The following LAMA5 variants were observed in gnomAD, a reference collection of about 807,000 sequenced individuals.
LAMA5 encodes the protein laminin subunit alpha-5.
A neutral mutation model predicts 433.4 loss-of-function variants in LAMA5; 260 were observed. The observed-to-expected ratio is 0.60, with a 90% confidence interval of 0.54 to 0.66. The LOEUF (loss-of-function observed/expected upper bound fraction) is 0.66, where lower values mean the gene tolerates loss of function less well. Ranked by LOEUF, LAMA5 falls within the 30% of genes least tolerant of loss-of-function variation. LAMA5 has a pLI of 0.00. For synonymous variants in LAMA5, 2,620 were observed against 2,226.6 expected, an observed-to-expected ratio of 1.18 and a Z score of -4.97; for missense variants, 5,378 against 5,258.5, an observed-to-expected ratio of 1.02 and a Z score of -0.70.
chr20:62,326,717 G>C lies in LAMA5; in HGVS notation c.5258C>G (p.Thr1753Arg). ...SITFLEPAYP[T>R]PGHVHRGQLQ... ...CTGCCCACGGTGAACGTGGCCAGGC[G>C]TGGGGTATGCCGGCTCCAGGAATGT... is the stretch of plus-strand genomic sequence containing the variant. Residue 1753 changes from threonine to arginine, a missense_variant, in exon 40 of 80, where the codon ACG becomes AGG. By Grantham distance (71) the Thr-to-Arg change is moderately conservative. Coordinates refer to ENST00000252999, the MANE Select transcript of LAMA5 (RefSeq NM_005560.6). 4 of 1,612,942 alleles carry C rather than the reference G, an allele frequency of 2.5e-6. No homozygotes were observed. In the South Asian group the frequency reaches 4.4e-5, roughly 18 times the overall value.
chr20:62,329,140 GA>G lies in LAMA5; in HGVS notation c.4232del (p.Ile1411ThrfsTer33). 1.2e-6 allele frequency: 2 copies of G among 1,612,594 alleles called. No individual in the cohort carries two copies. Among genetic ancestry groups the G allele is most frequent in the Non-Finnish European group, 1.7e-6 (2 of 1,179,694 alleles). ...TGACCTGCCAGAGCCCTGCCCACCT[GA>G]TGTGGTAGCCCTGGGCTGCGCAGTG... ...ISHCAAQGYH[I>X]SPSSSSLFCR... On this transcript the variant is annotated frameshift_variant, in exon 33 of 80. Coordinates refer to ENST00000252999, the MANE Select transcript of LAMA5 (RefSeq NM_005560.6). LOFTEE classifies it high-confidence loss of function.
At chr20:62,365,430 G>A (rs563235991) in intron 1 of LAMA5, among the ~76,000 whole-genome samples, 2 of 152,336 alleles carry the variant, frequency 1.3e-5, no homozygotes, top group Admixed American at 6.5e-5. Context: ...CGAGACGGGG[G>A]TAATAAGCCC....
intron 6 of LAMA5, among the ~76,000 whole-genome samples, chr20:62,347,804 C>A (rs1246121755): frequency 6.6e-6 from 1 of 152,234 alleles, no homozygotes; most frequent in Non-Finnish European, 1.5e-5. Flanking sequence ...AGAAGTCAGT[C>A]CAGTCCATGA....
At position 62,324,431 on chromosome 20, in the gene LAMA5, C is replaced by T. The variant is rs775457045; in HGVS notation, c.5643+10G>A. ...ATGCTGCCCCCCTGGCCCCACCAGC[C>T]CCTACTCACCACACAGACGCCAGAG... On this transcript the variant is annotated intron_variant, in intron 42 of 79. Transcript: ENST00000252999. The surrounding 1 kb of genome is among the most constrained non-coding windows in gnomAD (Gnocchi z 4.4). The T allele has an allele frequency of 3.1e-6, 5 of 1,602,714 alleles. No homozygotes were observed. The highest frequency in any genetic ancestry group is 4.3e-6 in the Non-Finnish European group (5 of 1,172,112).
chr20:62,313,611 G>A, intron 63 of LAMA5, 38 bp downstream of exon 63: 1 of 1,608,540 alleles, frequency 6.2e-7, no homozygotes, highest in Non-Finnish European at 8.5e-7. Flanking sequence ...CGGGGCTGCG[G>A]AGCCCCTCCC....
At chr20:62,334,753 C>CAGGGCTCAGGGCTGAGGGCGAGGGCG (rs369902633) in intron 20 of LAMA5, 132 bp from the exon 21 acceptor site, 1 of 580,798 alleles carries the variant, frequency 1.7e-6, no homozygotes, top group Non-Finnish European at 3.1e-6. Context: ...GCTCAGGGCT[C>CAGGGCTCAGGGCTGAGGGCGAGGGCG]AGGGCGAGGG....
chr20:62,332,107 C>G (rs1192314538), intron 28 of LAMA5, among the ~76,000 whole-genome samples: 1 of 151,938 alleles, frequency 6.6e-6, no homozygotes, highest in African/African-American at 2.4e-5. Flanking sequence ...GCTGTCTGTG[C>G]CAGGAGGTGG....
At chr20:62,317,856 C>T in intron 53 of LAMA5, 78 bp from the exon 54 acceptor site, 1 of 298,466 alleles carries the variant, frequency 3.4e-6, no homozygotes, top group Non-Finnish European at 4.9e-6. Flanking sequence ...GACAGCAGGG[C>T]AGGGAAGGGA....
chr20:62,353,519 C>A (rs1416327347), intron 2 of LAMA5, among the ~76,000 whole-genome samples: 1 of 152,210 alleles, frequency 6.6e-6, no homozygotes, highest in Non-Finnish European at 1.5e-5. Flanking sequence ...TCCTCCCCTT[C>A]CCTGCCGCAG....
At chr20:62,337,429 CGG>C (rs1981850221) in intron 16 of LAMA5, among the ~76,000 whole-genome samples, 159 bp downstream of exon 16, 1 of 152,254 alleles carries the variant, frequency 6.6e-6, no homozygotes, top group Non-Finnish European at 1.5e-5. Context: ...CACCCCTGCA[CGG>C]CATGTGAACA....
intron 1 of LAMA5, among the ~76,000 whole-genome samples, chr20:62,363,931 C>T (rs1037225387): frequency 2.0e-5 from 3 of 152,210 alleles, no homozygotes; most frequent in Non-Finnish European, 4.4e-5. Context: ...TCAGACCTTG[C>T]CCCAGACCAC....
chr20:62,313,235 C>T lies in LAMA5; in HGVS notation c.8808G>A (p.Gly2936=), dbSNP rs771757580. The part of the protein sequence containing the change: ...DRPCARSKST[G]DPWLTDGSYL... The stretch of plus-strand genomic sequence containing the variant: ...AGGAGCCGTCCGTGAGCCACGGGTC[C>T]CCGGTCGACTTGGAGCTGCAGGTCG... The change falls in exon 65 of 80, where the codon GGG becomes GGA. Residue 2936 remains glycine (G), a synonymous_variant. Transcript: ENST00000252999. The T allele has an allele frequency of 1.3e-6, 2 of 1,528,440 alleles. No homozygotes were observed. Among genetic ancestry groups the T allele is most frequent in the South Asian group, 1.2e-5 (1 of 84,228 alleles). 94.7% of individuals were successfully genotyped at this position (1,528,440 alleles called of 1,614,324 possible).
chr20:62,311,569 GGAA>G, intron 71 of LAMA5, 33 bp from the exon 72 acceptor site: 2 of 1,609,910 alleles, frequency 1.2e-6, no homozygotes, highest in Non-Finnish European at 1.7e-6. Context: ...CAGCAGCTGC[GGAA>G]GGCCAGCTGG....
chr20:62,367,291 G>C lies in LAMA5; in HGVS notation c.-46C>G. The C allele has an allele frequency of 8.8e-7, 1 of 1,131,692 alleles. No individual in the cohort carries two copies. The highest frequency in any genetic ancestry group is 1.1e-6 in the Non-Finnish European group (1 of 923,566). 70.1% of individuals were successfully genotyped at this position (1,131,692 alleles called of 1,614,324 possible). On this transcript the variant is annotated 5_prime_UTR_variant, in exon 1 of 80. Coordinates refer to ENST00000252999, the MANE Select transcript of LAMA5 (RefSeq NM_005560.6). ...TCCCCGAGCTCCAGGGACAGCGCGC[G>C]CGGCGGGAGCCCGGCGGGTCTGAAG...
chr20:62,313,569 A>T, intron 63 of LAMA5, 80 bp downstream of exon 63: 1 of 1,570,066 alleles, frequency 6.4e-7, no homozygotes, highest in African/African-American at 1.4e-5. Context: ...AGATACCAAA[A>T]GAACCCGCGG....
At position 62,314,800 on chromosome 20, in the gene LAMA5, T is replaced by A; in HGVS notation, c.8195A>T (p.Lys2732Met). 1 of 1,612,874 alleles carries A rather than the reference T, an allele frequency of 6.2e-7. No homozygotes were observed. Among genetic ancestry groups the A allele is most frequent in the South Asian group, 1.1e-5 (1 of 91,082 alleles). ...LIAQARGAAS[K>M]VKVPMKFNGR... ...CCTTCCCCTGGGACTCTCACCCACC[T>A]TACTGGCAGCCCCCCGGGCCTGGGC... Residue 2732 changes from lysine to methionine, a missense_variant and splice_region_variant, in exon 60 of 80, where the codon AAG becomes ATG. Physicochemically the swap from Lys to Met is moderately conservative, Grantham distance 95. Transcript: ENST00000252999.
rs1451758243 is a variant in LAMA5, at chr20:62,327,541, G to A, written c.4926C>T (p.Tyr1642=). Residue 1642 remains tyrosine (Y), a synonymous_variant, in exon 37 of 80, where the codon TAC becomes TAT. Transcript: ENST00000252999. ...CCTGCAGGCGCACCTCCTGGCGGGTGTAGGACGAGCTCCGGCAGCGCTCCG... is the reference window on the plus strand; with the variant it reads ...CCTGCAGGCGCACCTCCTGGCGGGTATAGGACGAGCTCCGGCAGCGCTCCG... ...GATERCRSSS[Y]TRQEFVDMEG... 1.9e-6 allele frequency: 3 copies of A among 1,612,878 alleles called. No homozygotes were observed. The highest frequency in any genetic ancestry group is 1.1e-5 in the South Asian group (1 of 91,084).
chr20:62,311,380 G>C (rs914253962), intron 72 of LAMA5, 21 bp downstream of exon 72: 24 of 1,535,122 alleles, frequency 1.6e-5, no homozygotes, highest in Non-Finnish European at 1.8e-6. Context: ...AGCTCTGCCT[G>C]CTCACCCCTG....
At chr20:62,347,855 G>A (rs1300528215) in intron 6 of LAMA5, among the ~76,000 whole-genome samples, 1 of 152,170 alleles carries the variant, frequency 6.6e-6, no homozygotes, top group Non-Finnish European at 1.5e-5. Context: ...CTCTAGTCCT[G>A]TCCTCCACGG....
Sources: allele counts gnomAD v4.1 joint callset (sites outside exome capture counted in the v4.1 genomes callset), GRCh38; gene constraint gnomAD v4.1.1; non-coding constraint Gnocchi (gnomAD v3.1); transcripts MANE v1.5; gene names NCBI Gene and HGNC (gene_info 2026-07-23, HGNC 2026-07-21).